SYNE3: variants seen among roughly 807,000 people sequenced by gnomAD.
SYNE3 encodes spectrin repeat containing nuclear envelope family member 3.
In SYNE3, 100 loss-of-function variants were observed where a neutral mutation model predicts 111.2. The observed-to-expected ratio is 0.90, with a 90% CI of 0.77 to 1.06. The LOEUF is 1.06. Among genes scored for constraint, SYNE3 ranks in the 50% least tolerant of loss-of-function variants. The probability of loss-of-function intolerance (pLI) is 0.00; values close to 1 mark genes in which losing one functional copy is unlikely to be tolerated. For synonymous variants in SYNE3, 547 were observed against 533.9 expected (o/e 1.02, Z -0.34); for missense variants, 1,160 against 1,240.3 (o/e 0.94, Z 0.97).
chr14:95,490,567 C>A (rs930097384), intron 1 of SYNE3, among the ~76,000 whole-genome samples: 4 of 152,276 alleles, frequency 2.6e-5, no homozygotes, highest in Non-Finnish European at 5.9e-5. Context: ...GCTGCAGAGG[C>A]TTCCTGTTAC....
In SYNE3 at chr14:95,446,096, G is replaced by C; in HGVS notation, c.1450-5C>G. On this transcript the variant is annotated splice_polypyrimidine_tract_variant and splice_region_variant and intron_variant, in intron 8 of 17. Transcript: ENST00000682763. ...GGAGCTTTCCATCAGGGCTGCCTGT[G>C]GGAGACAAGGCTTCCGTGAACCACA... 3 of 1,613,758 alleles carry C rather than the reference G, an allele frequency of 1.9e-6. No individual in the cohort carries two copies. Among genetic ancestry groups the C allele is most frequent in the African/African-American group, 2.7e-5 (2 of 75,046 alleles).
At chr14:95,443,359 CAGAGCCT>C in intron 10 of SYNE3, 70 bp from the exon 11 acceptor site, 1 of 1,581,960 alleles carries the variant, frequency 6.3e-7, no homozygotes, top group Non-Finnish European at 8.6e-7. Flanking sequence ...CCGATCAGGG[CAGAGCCT>C]CTGAGTGGGA....
At chr14:95,438,832 G>A (rs953026830) in intron 14 of SYNE3, 1 of 653,930 alleles carries the variant, frequency 1.5e-6, no homozygotes, top group Non-Finnish European at 2.5e-6. Context: ...GCAGACTCTG[G>A]GATCTCTGAG....
chr14:95,448,810 G>A (rs1373076023), intron 8 of SYNE3, among the ~76,000 whole-genome samples: 1 of 152,242 alleles, frequency 6.6e-6, no homozygotes, highest in African/African-American at 2.4e-5. Flanking sequence ...CCAAGGGTGA[G>A]CAGGGGCCAA....
chr14:95,443,539 A>C (rs7144367), intron 10 of SYNE3: 277,196 of 438,430 alleles, frequency 0.63, 87,951 homozygotes, highest in Admixed American at 0.73. Flanking sequence ...CTGCTACAAG[A>C]CAGATGGCAT....
rs1242567811 is a variant in SYNE3 at position 95,470,321 on chromosome 14, G to C, written c.145-2354C>G. 6.6e-6 allele frequency among the ~76,000 whole-genome samples: 1 copy of C among 152,152 alleles called. No individual in the cohort carries two copies. The highest frequency in any genetic ancestry group is 2.4e-5 in the African/African-American group (1 of 41,434). The stretch of plus-strand genomic sequence containing the variant: ...GGATGAATTTGTTGCCATTCAGAGA[G>C]AGATTTAATTTGATTAAAAATAATA... On this transcript the variant is annotated intron_variant, in intron 2 of 17. Coordinates refer to ENST00000682763, the MANE Select transcript of SYNE3 (RefSeq NM_152592.6). This position sits in a 1 kb window ranked among gnomAD's most constrained non-coding sequence, Gnocchi z 4.2.
At chr14:95,481,745 G>A (rs1241610222) in intron 1 of SYNE3, among the ~76,000 whole-genome samples, 2 of 152,222 alleles carry the variant, frequency 1.3e-5, no homozygotes, top group Non-Finnish European at 2.9e-5. Context: ...CTGCCCCTGT[G>A]GTCCATCGGG....
chr14:95,422,279 C>T (rs1328981072), intron 17 of SYNE3, among the ~76,000 whole-genome samples: 3 of 151,960 alleles, frequency 2.0e-5, no homozygotes, highest in African/African-American at 7.3e-5. Context: ...TAACTCAGGA[C>T]CAAAGGTCCT....
At chr14:95,495,583 G>A (rs1890056795) in intron 1 of SYNE3, among the ~76,000 whole-genome samples, 1 of 152,216 alleles carries the variant, frequency 6.6e-6, no homozygotes, top group African/African-American at 2.4e-5. Context: ...AGGGGTCATC[G>A]TGCTGCCTGA....
intron 8 of SYNE3, among the ~76,000 whole-genome samples, chr14:95,447,884 A>C (rs1453171099): frequency 6.6e-6 from 1 of 152,250 alleles, no homozygotes; most frequent in Admixed American, 6.5e-5. Flanking sequence ...AAGAAAGATC[A>C]TAGTAGAAAT....
intron 4 of SYNE3, among the ~76,000 whole-genome samples, chr14:95,464,769 G>A (rs1304626643): frequency 6.6e-6 from 1 of 152,216 alleles, no homozygotes; most frequent in African/African-American, 2.4e-5. Context: ...GCTGAGCTTA[G>A]AGCTCAAAAG....
At position 95,414,778 on chromosome 14, in the gene SYNE3, G is replaced by A. The variant is rs1321827490; in HGVS notation, c.*3048C>T. The A allele has an allele frequency of 6.6e-6, 1 of 150,898 alleles. No individual in the cohort carries two copies. Among genetic ancestry groups the A allele is most frequent in the Non-Finnish European group, 1.5e-5 (1 of 67,990 alleles). 9.3% of individuals were successfully genotyped at this position (150,898 alleles called of 1,614,324 possible). A position where few individuals can be genotyped will look rare whatever the true frequency, so the allele number is the denominator to read the frequency against. ...AAGTAGCACCTTAAAGCTCTGCATG[G>A]CTGTTAAAGAGGCTGGAAACTAAAG... On this transcript the variant is annotated 3_prime_UTR_variant, in exon 18 of 18. Coordinates refer to ENST00000682763, the MANE Select transcript of SYNE3 (RefSeq NM_152592.6).
In SYNE3 at chr14:95,433,247, C is replaced by A. The variant is rs1253276466; in HGVS notation, c.2688+13G>T. ...TCCCTGGAATCTGGGACCTGCACAT[C>A]CTTGGCACCTACCAGCAGGTGGCCA... On this transcript the variant is annotated intron_variant, in intron 16 of 17. Coordinates refer to ENST00000682763, the MANE Select transcript of SYNE3 (RefSeq NM_152592.6). 6.8e-6 allele frequency: 11 copies of A among 1,612,534 alleles called. No individual in the cohort carries two copies. Among genetic ancestry groups the A allele is most frequent in the Non-Finnish European group, 7.6e-6 (9 of 1,179,202 alleles).
chr14:95,436,732 G>A lies in SYNE3; in HGVS notation c.2538+88C>T, dbSNP rs147820834. 1.6e-4 allele frequency: 236 copies of A among 1,452,576 alleles called. 2 individuals carry two copies. In the African/African-American group the frequency reaches 3.0e-3, roughly 18 times the overall value. The allele number at this position is 1,452,576 out of a possible 1,614,324, so 90.0% of individuals were successfully genotyped here. ...GGAGAACAGCTCACAAACTGTGGGT[G>A]TGTTCCTTCTTTTGAAGAACTCCCT... is the stretch of plus-strand genomic sequence containing the variant. On this transcript the variant is annotated intron_variant, in intron 15 of 17. Transcript: ENST00000682763.
chr14:95,493,165 T>G (rs1889927495), intron 1 of SYNE3, among the ~76,000 whole-genome samples: 1 of 152,164 alleles, frequency 6.6e-6, no homozygotes, highest in Non-Finnish European at 1.5e-5. Flanking sequence ...ACCTTATAAA[T>G]GGGGTGCCAA....
chr14:95,455,977 G>T, intron 5 of SYNE3: 1 of 494,030 alleles, frequency 2.0e-6, no homozygotes, highest in African/African-American at 1.9e-5. Flanking sequence ...GTCTCTGTTG[G>T]GTGCTTCTGT....
chr14:95,514,922 C>G (rs977288150), intron 1 of SYNE3, among the ~76,000 whole-genome samples: 1 of 152,226 alleles, frequency 6.6e-6, no homozygotes, highest in Non-Finnish European at 1.5e-5. Context: ...CAGGCATGGC[C>G]AGGTCCATGG....
At chr14:95,492,507 GT>G (rs1854856639) in intron 1 of SYNE3, among the ~76,000 whole-genome samples, 1 of 152,224 alleles carries the variant, frequency 6.6e-6, no homozygotes, top group Non-Finnish European at 1.5e-5. Flanking sequence ...AAAGAAGCCA[GT>G]CACAAAGGTC....
intron 1 of SYNE3, among the ~76,000 whole-genome samples, chr14:95,484,265 A>T (rs1433089293): frequency 6.6e-6 from 1 of 151,946 alleles, no homozygotes; most frequent in Admixed American, 6.5e-5. Context: ...CAGCCGTGGT[A>T]GGGATGAAGG....
Sources: allele counts gnomAD v4.1 joint callset (sites outside exome capture counted in the v4.1 genomes callset), GRCh38; gene constraint gnomAD v4.1.1; non-coding constraint Gnocchi (gnomAD v3.1); transcripts MANE v1.5; gene names NCBI Gene and HGNC (gene_info 2026-07-23, HGNC 2026-07-21).